Variants in PRKD1 observed in about 807,000 individuals in gnomAD.
PRKD1 encodes the protein protein kinase D1.
PRKD1 carries 63 observed loss-of-function variants against 95.9 expected under a neutral mutation model. The observed-to-expected ratio is 0.66, with a 90% CI of 0.54 to 0.81. The LOEUF is 0.81. PRKD1 is among the 30% of genes least tolerant of loss of function. The probability of loss-of-function intolerance (pLI) is 0.00; values close to 1 mark genes in which losing one functional copy is unlikely to be tolerated. For missense variants in PRKD1, 1,048 were observed against 1,165.3 expected, an observed-to-expected ratio of 0.90 and a Z score of 1.47; for synonymous variants, 425 against 423.1, an observed-to-expected ratio of 1.00 and a Z score of -0.05.
intron 1 of PRKD1, among the ~76,000 whole-genome samples, chr14:29,864,166 G>A (rs997310296): frequency 2.6e-5 from 4 of 152,000 alleles, no homozygotes; most frequent in African/African-American, 9.7e-5. Context: ...ACTGGACAAT[G>A]ACCATATGTG....
chr14:29,722,661 C>A (rs1266616317), intron 2 of PRKD1, among the ~76,000 whole-genome samples: 1 of 152,054 alleles, frequency 6.6e-6, no homozygotes, highest in East Asian at 1.9e-4. Flanking sequence ...GATTGCTGAA[C>A]AATAGTTAGG....
At chr14:29,827,288 C>T (rs1347739270) in intron 1 of PRKD1, among the ~76,000 whole-genome samples, 3 of 151,976 alleles carry the variant, frequency 2.0e-5, no homozygotes, top group Non-Finnish European at 4.4e-5. Context: ...GACCCAGTAT[C>T]CCATAAATAG....
At chr14:29,671,202 C>T (rs547886112) in intron 2 of PRKD1, among the ~76,000 whole-genome samples, 54 of 152,142 alleles carry the variant, frequency 3.5e-4, no homozygotes, top group African/African-American at 1.3e-3. Flanking sequence ...ACAAGCCAGA[C>T]TGAGAACACA....
chr14:29,863,921 G>A (rs2139364273), intron 1 of PRKD1, among the ~76,000 whole-genome samples: 1 of 152,170 alleles, frequency 6.6e-6, no homozygotes, highest in East Asian at 1.9e-4. Context: ...GGCAGTTTTA[G>A]CTACTTCTGG....
At chr14:29,644,295 CCT>C in intron 4 of PRKD1, among the ~76,000 whole-genome samples, 1 of 152,160 alleles carries the variant, frequency 6.6e-6, no homozygotes, top group East Asian at 1.9e-4. Flanking sequence ...GCTCCTTGCC[CCT>C]ACTTCAACAT....
chr14:29,811,427 C>T (rs1434703854), intron 1 of PRKD1, among the ~76,000 whole-genome samples: 4 of 152,176 alleles, frequency 2.6e-5, no homozygotes, highest in South Asian at 4.1e-4. Flanking sequence ...CTCTACTGCT[C>T]GAGCCCACAG....
At chr14:29,605,299 C>A (rs1229632741) in intron 13 of PRKD1, among the ~76,000 whole-genome samples, 1 of 152,150 alleles carries the variant, frequency 6.6e-6, no homozygotes, top group Non-Finnish European at 1.5e-5. Flanking sequence ...AGGTGCCTAC[C>A]CTTAGCAAGG....
intron 2 of PRKD1, among the ~76,000 whole-genome samples, chr14:29,696,008 T>C (rs548751396): frequency 3.9e-5 from 6 of 152,234 alleles, no homozygotes; most frequent in Non-Finnish European, 7.3e-5. Context: ...TTGAGCCAGA[T>C]AAAATCACTT....
intron 13 of PRKD1, among the ~76,000 whole-genome samples, chr14:29,613,906 C>A (rs1170681192): frequency 6.6e-6 from 1 of 152,130 alleles, no homozygotes; most frequent in Non-Finnish European, 1.5e-5. Flanking sequence ...TTAAGAAAAT[C>A]TATTTTGTTT....
At chr14:29,688,127 T>C (rs1359921782) in intron 2 of PRKD1, among the ~76,000 whole-genome samples, 1 of 152,178 alleles carries the variant, frequency 6.6e-6, no homozygotes, top group Non-Finnish European at 1.5e-5. Context: ...TTTGCATTTC[T>C]TGGCTCATGG....
chr14:29,674,194 C>T (rs1883026181), intron 2 of PRKD1, among the ~76,000 whole-genome samples: 1 of 152,044 alleles, frequency 6.6e-6, no homozygotes, highest in African/African-American at 2.4e-5. Context: ...GAGAGGAATG[C>T]TGTTTCTAAG....
intron 1 of PRKD1, among the ~76,000 whole-genome samples, chr14:29,728,708 G>C (rs898527619): frequency 1.3e-5 from 2 of 151,922 alleles, no homozygotes; most frequent in South Asian, 4.2e-4. Flanking sequence ...TTTCCAGTTT[G>C]CAGCTATTAC....
At chr14:29,649,001 T>TA (rs1365935902) in intron 4 of PRKD1, among the ~76,000 whole-genome samples, 1 of 152,178 alleles carries the variant, frequency 6.6e-6, no homozygotes, top group East Asian at 1.9e-4. Flanking sequence ...AGATTTTTTT[T>TA]ATATTGATTG....
At chr14:29,819,711 T>A (rs1890834569) in intron 1 of PRKD1, among the ~76,000 whole-genome samples, 1 of 151,498 alleles carries the variant, frequency 6.6e-6, no homozygotes. Flanking sequence ...TAAAATAAAA[T>A]AACATAAAAT....
chr14:29,629,573 T>G (rs974732763), intron 10 of PRKD1, among the ~76,000 whole-genome samples: 2 of 152,184 alleles, frequency 1.3e-5, no homozygotes, highest in Non-Finnish European at 2.9e-5. Context: ...TTATGACAGA[T>G]AAATGGATAA....
intron 2 of PRKD1, among the ~76,000 whole-genome samples, chr14:29,722,531 T>C (rs928760126): frequency 3.3e-5 from 5 of 152,220 alleles, no homozygotes; most frequent in African/African-American, 1.2e-4. Context: ...AATCGATATT[T>C]TTACAAAATG....
At chr14:29,733,903 C>G (rs1886580084) in intron 1 of PRKD1, among the ~76,000 whole-genome samples, 3 of 151,936 alleles carry the variant, frequency 2.0e-5, no homozygotes, top group Admixed American at 2.0e-4. Flanking sequence ...CCATTTCTCT[C>G]CTAAGTATGT....
At chr14:29,670,245 G>A (rs1015202409) in intron 2 of PRKD1, among the ~76,000 whole-genome samples, 3 of 152,058 alleles carry the variant, frequency 2.0e-5, no homozygotes, top group South Asian at 2.1e-4. Flanking sequence ...ACTAAGGAAC[G>A]GTATCTGTAG....
At chr14:29,875,425 A>G (rs951210132) in intron 1 of PRKD1, among the ~76,000 whole-genome samples, 7 of 152,244 alleles carry the variant, frequency 4.6e-5, no homozygotes, top group Non-Finnish European at 7.3e-5. Flanking sequence ...AAAGACTAGG[A>G]ATGCATATAA....
Sources: gnomAD v4.1 joint callset for allele counts (sites outside exome capture counted in the v4.1 genomes callset) on GRCh38, gnomAD v4.1.1 for gene constraint, MANE v1.5 for transcripts, NCBI Gene and HGNC (gene_info 2026-07-23, HGNC 2026-07-21) for gene names.